The following KANK1 variants were observed in gnomAD, a reference collection of about 807,000 sequenced individuals.
KANK1 encodes KN motif and ankyrin repeat domain-containing protein 1.
KANK1 carries 109 observed loss-of-function variants against 106.2 expected under a neutral mutation model. The observed-to-expected ratio is 1.03, with a 90% CI of 0.88 to 1.20. The LOEUF is 1.20. Ranked by LOEUF, KANK1 falls within the 50% of genes most tolerant of loss-of-function variation. The pLI is 0.00. For missense variants in KANK1, 2,399 were observed against 1,710.7 expected, an observed-to-expected ratio of 1.40 and a Z score of -7.10; for synonymous variants, 873 against 652.2, an observed-to-expected ratio of 1.34 and a Z score of -5.16.
At chr9:549,863 C>G (rs1390212251) in intron 1 of KANK1, 1 of 152,142 alleles carries the variant, frequency 6.6e-6, no homozygotes, top group East Asian at 1.9e-4. Context: ...GCTTTCATTT[C>G]CCTCTAGCTT....
At chr9:639,312 T>G (rs1482808791) in intron 1 of KANK1, among the ~76,000 whole-genome samples, 1 of 152,068 alleles carries the variant, frequency 6.6e-6, no homozygotes, top group African/African-American at 2.4e-5. Flanking sequence ...CTTTGATTAT[T>G]TTATTTTTAT....
At chr9:577,320 GGT>G (rs1281859015) in intron 1 of KANK1, among the ~76,000 whole-genome samples, 1 of 151,988 alleles carries the variant, frequency 6.6e-6, no homozygotes. Context: ...AGTGCTGATT[GGT>G]GTGTTATTAC....
chr9:524,325 A>C (rs1416292174), intron 1 of KANK1, among the ~76,000 whole-genome samples: 1 of 149,368 alleles, frequency 6.7e-6, no homozygotes, highest in African/African-American at 2.5e-5. Flanking sequence ...CTTGACAATA[A>C]CTCTGCCTTT....
intron 8 of KANK1, 21 bp from the exon 9 acceptor site, chr9:740,771 T>G: frequency 6.3e-6 from 1 of 157,638 alleles, no homozygotes; most frequent in Non-Finnish European, 9.9e-6. Flanking sequence ...CTAAGAGACT[T>G]TTTTTTTTTT....
intron 1 of KANK1, among the ~76,000 whole-genome samples, chr9:622,471 A>C (rs897824445): frequency 6.6e-6 from 1 of 152,216 alleles, no homozygotes; most frequent in Non-Finnish European, 1.5e-5. Flanking sequence ...CATCCTGACA[A>C]GGGTGCCAAG....
intron 2 of KANK1, among the ~76,000 whole-genome samples, chr9:691,416 A>ATT (rs1484290257): frequency 2.0e-5 from 3 of 149,722 alleles, no homozygotes; most frequent in African/African-American, 7.3e-5. Flanking sequence ...ATATATATAT[A>ATT]TATTTATTTA....
intron 2 of KANK1, among the ~76,000 whole-genome samples, chr9:472,353 G>A (rs995137192): frequency 2.0e-5 from 3 of 152,226 alleles, no homozygotes; most frequent in African/African-American, 7.2e-5. Flanking sequence ...TCATTTCTGA[G>A]AGATTTCCAA....
At chr9:503,257 G>A (rs1167234596), upstream of KANK1, among the ~76,000 whole-genome samples, 1 of 151,902 alleles carries the variant, frequency 6.6e-6, no homozygotes, top group Non-Finnish European at 1.5e-5. Context: ...GGTGGTGGTG[G>A]GGGATTTTAG....
chr9:691,706 C>G (rs1443591073), intron 2 of KANK1, among the ~76,000 whole-genome samples: 1 of 148,686 alleles, frequency 6.7e-6, no homozygotes. Flanking sequence ...CTCAACCTCC[C>G]AGGCTCAAGT....
At chr9:697,850 G>T (rs1821695397) in intron 2 of KANK1, among the ~76,000 whole-genome samples, 1 of 152,170 alleles carries the variant, frequency 6.6e-6, no homozygotes, top group Non-Finnish European at 1.5e-5. Context: ...CCAATCTGAT[G>T]TGTGCTGACG....
At chr9:579,024 CAT>C (rs1286111456) in intron 1 of KANK1, among the ~76,000 whole-genome samples, 1 of 152,192 alleles carries the variant, frequency 6.6e-6, no homozygotes, top group African/African-American at 2.4e-5. Context: ...TGTTTGAACA[CAT>C]AGACATAAAA....
At chr9:733,330 T>C (rs1023197638) in intron 6 of KANK1, 3 of 152,246 alleles carry the variant, frequency 2.0e-5, no homozygotes, top group Non-Finnish European at 4.4e-5. Context: ...TCTATTTAAT[T>C]TGGCAAATGA....
intron 1 of KANK1, among the ~76,000 whole-genome samples, chr9:572,420 T>G (rs545886359): frequency 6.6e-6 from 1 of 152,116 alleles, no homozygotes; most frequent in South Asian, 2.1e-4. Flanking sequence ...GGCGTGGTAG[T>G]GGGTTCCTGT....
intron 3 of KANK1, among the ~76,000 whole-genome samples, chr9:476,334 A>G (rs188991377): frequency 1.2e-3 from 183 of 152,192 alleles, no homozygotes; most frequent in African/African-American, 4.2e-3. Context: ...CAGCCTGGTC[A>G]ACATAGTGAA....
intron 6 of KANK1, chr9:733,778 G>C (rs1832944160): frequency 6.6e-6 from 1 of 151,944 alleles, no homozygotes; most frequent in African/African-American, 2.4e-5. Flanking sequence ...AAAGTAATTT[G>C]GGTCTCCTTC....
At chr9:592,525 G>A (rs12005187) in intron 1 of KANK1, among the ~76,000 whole-genome samples, 9,721 of 151,722 alleles carry the variant, frequency 0.064, 997 homozygotes, top group East Asian at 0.24. Flanking sequence ...GTCTAAGTAC[G>A]TTTTTTCATC....
intron 1 of KANK1, among the ~76,000 whole-genome samples, chr9:661,447 C>A (rs1379933017): frequency 3.3e-5 from 5 of 152,154 alleles, no homozygotes; most frequent in Non-Finnish European, 5.9e-5. Context: ...CTACAAAGGA[C>A]ATGAACTCAT....
At chr9:624,960 G>A (rs1452165794) in intron 1 of KANK1, among the ~76,000 whole-genome samples, 6 of 152,210 alleles carry the variant, frequency 3.9e-5, no homozygotes, top group Admixed American at 3.9e-4. Context: ...TTTATGCCCT[G>A]AGCAAGCTAT....
chr9:550,293 G>A (rs2061197053), intron 1 of KANK1, among the ~76,000 whole-genome samples: 1 of 151,960 alleles, frequency 6.6e-6, no homozygotes, highest in Admixed American at 6.6e-5. Flanking sequence ...TTTTATGAAA[G>A]CCGTTATAGG....
Sources: allele counts gnomAD v4.1 joint callset (sites outside exome capture counted in the v4.1 genomes callset), GRCh38; gene constraint gnomAD v4.1.1; transcripts MANE v1.5; gene names NCBI Gene and HGNC (gene_info 2026-07-23, HGNC 2026-07-21).